The following ZCWPW2 variants were observed in gnomAD, a reference collection of about 807,000 sequenced individuals.
The protein encoded by ZCWPW2 is zinc finger CW-type and PWWP domain containing 2.
A neutral mutation model predicts 46.6 loss-of-function variants in ZCWPW2; 45 were observed. The ratio of observed to expected loss-of-function variants is 0.96; its 90% CI spans 0.76 to 1.24. ZCWPW2 has a LOEUF of 1.24. Among genes scored for constraint, ZCWPW2 ranks in the 50% most tolerant of loss-of-function variants. The probability of loss-of-function intolerance (pLI) is 0.00; values close to 1 mark genes in which losing one functional copy is unlikely to be tolerated. For missense variants in ZCWPW2, 429 were observed against 403.9 expected, an observed-to-expected ratio of 1.06 and a Z score of -0.53; for synonymous variants, 152 against 137.1, an observed-to-expected ratio of 1.11 and a Z score of -0.76.
intron 4 of ZCWPW2, among the ~76,000 whole-genome samples, chr3:28,462,637 T>G (rs1698681515): frequency 6.6e-6 from 1 of 152,204 alleles, no homozygotes; most frequent in Non-Finnish European, 1.5e-5. Flanking sequence ...AAAATTAAGA[T>G]TTATCCTGCT....
At chr3:28,371,785 A>G (rs1301640690) in intron 1 of ZCWPW2, among the ~76,000 whole-genome samples, 1 of 151,998 alleles carries the variant, frequency 6.6e-6, no homozygotes, top group Admixed American at 6.6e-5. Flanking sequence ...AAGACAGGAC[A>G]GGGTGGGTGG....
chr3:28,402,884 C>T (rs1696005705), intron 2 of ZCWPW2, among the ~76,000 whole-genome samples: 1 of 152,058 alleles, frequency 6.6e-6, no homozygotes, highest in Non-Finnish European at 1.5e-5. Context: ...AATCAGCATA[C>T]AAGGAGCAAA....
chr3:28,481,232 A>C (rs1197292093), intron 5 of ZCWPW2, among the ~76,000 whole-genome samples: 1 of 151,784 alleles, frequency 6.6e-6, no homozygotes, highest in Non-Finnish European at 1.5e-5. Flanking sequence ...ATTGCCACAT[A>C]AAATGATAAC....
intron 3 of ZCWPW2, among the ~76,000 whole-genome samples, chr3:28,424,268 C>CACAG (rs1456305474): frequency 6.7e-6 from 1 of 149,234 alleles, no homozygotes; most frequent in Non-Finnish European, 1.5e-5. Context: ...CACACACACA[C>CACAG]AGAGCCTTTA....
At chr3:28,432,379 T>C (rs1002412219) in intron 3 of ZCWPW2, among the ~76,000 whole-genome samples, 3 of 152,202 alleles carry the variant, frequency 2.0e-5, no homozygotes, top group Non-Finnish European at 4.4e-5. Context: ...AATGGGACTT[T>C]ACAGTGCTGC....
intron 2 of ZCWPW2, among the ~76,000 whole-genome samples, chr3:28,397,128 C>CA (rs35842436): frequency 0.23 from 32,170 of 137,046 alleles, 3,692 homozygotes; most frequent in Admixed American, 0.3. Context: ...TACTCTGTCT[C>CA]AAAAAAAAAA....
intron 4 of ZCWPW2, among the ~76,000 whole-genome samples, chr3:28,468,404 G>T (rs986553001): frequency 1.3e-5 from 2 of 151,998 alleles, no homozygotes; most frequent in Non-Finnish European, 2.9e-5. Flanking sequence ...TTATTTAAAG[G>T]GATAATAACA....
chr3:28,483,887 T>C (rs1239101450), intron 5 of ZCWPW2, among the ~76,000 whole-genome samples: 1 of 152,178 alleles, frequency 6.6e-6, no homozygotes, highest in Non-Finnish European at 1.5e-5. Context: ...TTTGGTCTAT[T>C]CTTTTGGATT....
rs898124301 is a variant in ZCWPW2 at position 28,391,379 on chromosome 3, G to GCACA, written c.-14+779_-14+782dup. 7.7e-4 allele frequency among the ~76,000 whole-genome samples: 68 copies of GCACA among 88,778 alleles called. No individual in the cohort carries two copies. In the South Asian group the frequency reaches 0.017, roughly 23 times the overall value. The allele number at this position is 88,778 out of a possible 152,430, so 58.2% of individuals were successfully genotyped here. A position where few individuals can be genotyped will look rare whatever the true frequency, so the allele number is the denominator to read the frequency against. On this transcript the variant is annotated intron_variant, in intron 2 of 9. Coordinates refer to ENST00000383768, the MANE Select transcript of ZCWPW2 (RefSeq NM_001040432.4). ...CACACACACACACACACACACACAT[G>GCACA]CACACACACACACACACACAAAGCC...
At chr3:28,358,847 C>T (rs780971652) in intron 1 of ZCWPW2, among the ~76,000 whole-genome samples, 1 of 152,018 alleles carries the variant, frequency 6.6e-6, no homozygotes, top group Non-Finnish European at 1.5e-5. Flanking sequence ...CCCCCCCCAA[C>T]AATCCTTTTT....
At chr3:28,489,618 A>G (rs1699729425) in intron 5 of ZCWPW2, among the ~76,000 whole-genome samples, 1 of 151,462 alleles carries the variant, frequency 6.6e-6, no homozygotes, top group Non-Finnish European at 1.5e-5. Flanking sequence ...TAGTATTCCA[A>G]AGATCAAGAT....
intron 1 of ZCWPW2, among the ~76,000 whole-genome samples, chr3:28,350,018 T>G (rs1704480940): frequency 6.6e-6 from 1 of 152,258 alleles, no homozygotes; most frequent in African/African-American, 2.4e-5. Flanking sequence ...CTAAAAATAC[T>G]TAGAAATCTG....
intron 1 of ZCWPW2, among the ~76,000 whole-genome samples, chr3:28,387,145 C>A (rs186652564): frequency 5.3e-5 from 8 of 152,292 alleles, no homozygotes; most frequent in African/African-American, 1.9e-4. Context: ...ATACTCAAAC[C>A]AATCACTCTT....
At chr3:28,473,285 G>A (rs1361546931) in intron 4 of ZCWPW2, among the ~76,000 whole-genome samples, 1 of 152,050 alleles carries the variant, frequency 6.6e-6, no homozygotes, top group African/African-American at 2.4e-5. Flanking sequence ...AGACCAGCCC[G>A]CCCAACATGA....
At chr3:28,411,202 T>A (rs1696383797) in intron 2 of ZCWPW2, among the ~76,000 whole-genome samples, 1 of 151,960 alleles carries the variant, frequency 6.6e-6, no homozygotes, top group African/African-American at 2.4e-5. Flanking sequence ...TTATCCAGAA[T>A]ACAAATATAG....
intron 4 of ZCWPW2, among the ~76,000 whole-genome samples, chr3:28,435,778 G>T (rs768857762): frequency 6.6e-6 from 1 of 151,952 alleles, no homozygotes; most frequent in Non-Finnish European, 1.5e-5. Flanking sequence ...GAGCCACTGC[G>T]CCCAGCCTTA....
intron 5 of ZCWPW2, among the ~76,000 whole-genome samples, chr3:28,491,682 C>T (rs751701027): frequency 1.1e-4 from 17 of 151,946 alleles, no homozygotes; most frequent in Non-Finnish European, 2.2e-4. Context: ...GGAGGGACTG[C>T]GTACTTTACA....
chr3:28,479,779 G>A (rs952183278), intron 5 of ZCWPW2, among the ~76,000 whole-genome samples: 2 of 152,094 alleles, frequency 1.3e-5, no homozygotes, highest in African/African-American at 4.8e-5. Flanking sequence ...TGCAGTATTT[G>A]GTTTTGTTCC....
At chr3:28,491,880 GCCAA>G (rs1699823314) in intron 5 of ZCWPW2, among the ~76,000 whole-genome samples, 1 of 151,992 alleles carries the variant, frequency 6.6e-6, no homozygotes, top group South Asian at 2.1e-4. Flanking sequence ...CATCCAACTA[GCCAA>G]CTTTAAGAGA....
Sources: gnomAD v4.1 joint callset for allele counts (sites outside exome capture counted in the v4.1 genomes callset) on GRCh38, gnomAD v4.1.1 for gene constraint, MANE v1.5 for transcripts, NCBI Gene and HGNC (gene_info 2026-07-23, HGNC 2026-07-21) for gene names.